Variants in ABCB1 observed in about 807,000 individuals in gnomAD.
The protein encoded by ABCB1 is ATP binding cassette subfamily B member 1.
ABCB1 carries 69 observed loss-of-function variants against 142.0 expected under a neutral mutation model. The observed-to-expected ratio is 0.49, with a 90% CI of 0.40 to 0.59. The LOEUF is 0.59. Among genes scored for constraint, ABCB1 ranks in the 20% least tolerant of loss-of-function variants. The pLI is 0.00. For synonymous variants in ABCB1, 532 were observed against 539.2 expected, an observed-to-expected ratio of 0.99 and a Z score of 0.18; for missense variants, 1,326 against 1,554.7, an observed-to-expected ratio of 0.85 and a Z score of 2.47.
intron 1 of ABCB1, among the ~76,000 whole-genome samples, chr7:87,634,259 A>G (rs1325876470): frequency 2.0e-5 from 3 of 152,094 alleles, no homozygotes; most frequent in East Asian, 3.8e-4. Flanking sequence ...TTGGAGATCA[A>G]ATTTCAACAT....
chr7:87,504,685 G>A (rs573089699), intron 27 of ABCB1, among the ~76,000 whole-genome samples: 9 of 151,994 alleles, frequency 5.9e-5, no homozygotes, highest in Non-Finnish European at 1.0e-4. Context: ...GGTGCCTGTA[G>A]TCCCAGCTAG....
chr7:87,642,036 T>G (rs995020648), intron 1 of ABCB1, among the ~76,000 whole-genome samples: 1 of 151,962 alleles, frequency 6.6e-6, no homozygotes, highest in Non-Finnish European at 1.5e-5. Flanking sequence ...GTGGACGATA[T>G]GCTTTTTGCA....
At position 87,657,921 on chromosome 7, in the gene ABCB1, A is replaced by G. The variant is rs1169699880; in HGVS notation, c.-331+55240T>C. ...CCCTCCCACCTTCCCCTGTGGGAGCAGTGTCACAAAAAGCTAGTTAAAACA... is the reference window on the plus strand; with the variant it reads ...CCCTCCCACCTTCCCCTGTGGGAGCGGTGTCACAAAAAGCTAGTTAAAACA... On this transcript the variant is annotated intron_variant, in intron 1 of 28. Transcript: ENST00000265724. Among the ~76,000 whole-genome samples, 7 of 152,296 alleles carry G rather than the reference A, an allele frequency of 4.6e-5. No homozygotes were observed. In the East Asian group the frequency reaches 7.7e-4, roughly 17 times the overall value.
chr7:87,604,327 C>T (rs1819570871), upstream of ABCB1, among the ~76,000 whole-genome samples: 1 of 152,064 alleles, frequency 6.6e-6, no homozygotes, highest in South Asian at 2.1e-4. Flanking sequence ...TGCAACTCAC[C>T]TCAATGAAGT....
intron 4 of ABCB1, among the ~76,000 whole-genome samples, chr7:87,575,879 C>T (rs78321454): frequency 0.015 from 2,261 of 152,198 alleles, 65 homozygotes; most frequent in African/African-American, 0.051. Flanking sequence ...CATTTGCTTC[C>T]AATTTAGGCA....
At chr7:87,530,818 AAAGCAAGAAAGCAAGAAAGC>A (rs1157056617) in intron 21 of ABCB1, among the ~76,000 whole-genome samples, 116 of 102,778 alleles carry the variant, frequency 1.1e-3, no homozygotes, top group Middle Eastern at 4.0e-3. Context: ...AGAAAGCAAG[AAAGCAAGAAAGCAAGAAAGC>A]AAGAAAGAAA....
chr7:87,554,667 C>T (rs1817237445), intron 8 of ABCB1, among the ~76,000 whole-genome samples: 1 of 152,198 alleles, frequency 6.6e-6, no homozygotes, highest in Non-Finnish European at 1.5e-5. Context: ...GTGTCCTTCC[C>T]TCTATTAATG....
intron 1 of ABCB1, among the ~76,000 whole-genome samples, chr7:87,613,689 G>C (rs551027492): frequency 6.6e-6 from 1 of 152,230 alleles, no homozygotes; most frequent in South Asian, 2.1e-4. Context: ...ATAGATACTG[G>C]AGTCTACTAA....
intron 7 of ABCB1, chr7:87,565,391 A>G: frequency 2.4e-6 from 1 of 424,450 alleles, no homozygotes; most frequent in South Asian, 1.7e-5. Flanking sequence ...TCACCTTGAA[A>G]TGGAAAATAA....
chr7:87,547,682 C>T (rs1311251729), intron 14 of ABCB1, among the ~76,000 whole-genome samples: 5 of 151,886 alleles, frequency 3.3e-5, no homozygotes, highest in Non-Finnish European at 5.9e-5. Context: ...CCAGCGTGGG[C>T]CACATGACGA....
chr7:87,536,402 T>C (rs769383225), intron 20 of ABCB1, 56 bp downstream of exon 20: 1 of 1,538,082 alleles, frequency 6.5e-7, no homozygotes, highest in African/African-American at 1.4e-5. Context: ...ATTAGTTTCA[T>C]GCTGGGGTCC....
At chr7:87,561,880 G>A (rs1194870985) in intron 7 of ABCB1, among the ~76,000 whole-genome samples, 1 of 152,158 alleles carries the variant, frequency 6.6e-6, no homozygotes, top group African/African-American at 2.4e-5. Flanking sequence ...CAGCTACTCA[G>A]GAGGCTGAGG....
At chr7:87,555,056 G>T (rs749623984) in intron 8 of ABCB1, among the ~76,000 whole-genome samples, 1 of 152,054 alleles carries the variant, frequency 6.6e-6, no homozygotes, top group Non-Finnish European at 1.5e-5. Context: ...AATTTTTGAC[G>T]GTAAAGTTAA....
intron 1 of ABCB1, among the ~76,000 whole-genome samples, chr7:87,691,875 C>T (rs977696313): frequency 6.6e-6 from 1 of 152,120 alleles, no homozygotes; most frequent in African/African-American, 2.4e-5. Context: ...TGGGTCTTGG[C>T]AGCCTTGTCT....
At chr7:87,532,764 T>C (rs771094418) in intron 20 of ABCB1, among the ~76,000 whole-genome samples, 26 of 152,214 alleles carry the variant, frequency 1.7e-4, no homozygotes, top group Non-Finnish European at 3.7e-4. Context: ...ATTTTTTCAC[T>C]TTCTTAATAA....
intron 1 of ABCB1, among the ~76,000 whole-genome samples, chr7:87,680,401 C>A (rs1241411510): frequency 6.6e-6 from 1 of 150,714 alleles, no homozygotes; most frequent in Non-Finnish European, 1.5e-5. Flanking sequence ...AAATGTGTAG[C>A]ATGCAATTAA....
At chr7:87,504,553 A>G in intron 27 of ABCB1, 104 bp from the exon 28 acceptor site, 1 of 1,486,854 alleles carries the variant, frequency 6.7e-7, no homozygotes, top group Non-Finnish European at 9.2e-7. Flanking sequence ...TCACGCCTGT[A>G]ATCCCAGCAC....
intron 3 of ABCB1, among the ~76,000 whole-genome samples, chr7:87,592,780 G>T (rs1819046143): frequency 1.3e-5 from 2 of 151,990 alleles, no homozygotes; most frequent in Middle Eastern, 3.4e-3. Flanking sequence ...ATAAACATAG[G>T]GTATTTAACA....
chr7:87,596,313 C>T (rs1398614708), intron 2 of ABCB1, among the ~76,000 whole-genome samples: 6 of 151,990 alleles, frequency 3.9e-5, no homozygotes, highest in African/African-American at 1.4e-4. Flanking sequence ...CAATTAGATG[C>T]TGGGCATAAC....
Sources: allele counts gnomAD v4.1 joint callset (sites outside exome capture counted in the v4.1 genomes callset), GRCh38; gene constraint gnomAD v4.1.1; transcripts MANE v1.5; gene names NCBI Gene and HGNC (gene_info 2026-07-23, HGNC 2026-07-21).